Variants in ZFHX3 observed in about 807,000 individuals in gnomAD.
ZFHX3 encodes the protein zinc finger homeobox protein 3.
Under a neutral mutation model 279.1 loss-of-function variants are expected in ZFHX3, and 42 were observed. The observed-to-expected ratio is 0.15, with a 90% CI of 0.12 to 0.19. The LOEUF (loss-of-function observed/expected upper bound fraction) is 0.19, where lower values mean the gene tolerates loss of function less well. ZFHX3 is among the 10% of genes least tolerant of loss of function. The pLI, the probability that ZFHX3 is intolerant of heterozygous loss-of-function variation, is 1.00. For missense variants in ZFHX3, 4,981 were observed against 4,754.0 expected (o/e 1.05, Z -1.40); for synonymous variants, 2,293 against 1,957.8 (o/e 1.17, Z -4.52).
intron 4 of ZFHX3, among the ~76,000 whole-genome samples, chr16:72,867,942 C>T (rs995618099): frequency 2.0e-4 from 30 of 152,262 alleles, no homozygotes; most frequent in Admixed American, 3.9e-4. Context: ...AAGGAACCCA[C>T]GGGGCTCCGA....
intron 1 of ZFHX3, among the ~76,000 whole-genome samples, chr16:73,682,943 A>C (rs2053035550): frequency 9.0e-5 from 2 of 22,130 alleles, no homozygotes; most frequent in Admixed American, 1.4e-3. Context: ...AGAAAGAAAG[A>C]AAGAAAGAAA....
chr16:73,206,690 TC>T (rs1416049008), intron 5 of ZFHX3, among the ~76,000 whole-genome samples: 1 of 152,110 alleles, frequency 6.6e-6, no homozygotes, highest in Admixed American at 6.5e-5. Context: ...ATGGCCACCA[TC>T]TCGATATACA....
chr16:73,208,939 C>T (rs2011906082), intron 5 of ZFHX3, among the ~76,000 whole-genome samples: 1 of 152,140 alleles, frequency 6.6e-6, no homozygotes, highest in Admixed American at 6.5e-5. Flanking sequence ...ATGTATCATC[C>T]TTTTATTGGG....
intron 2 of ZFHX3, among the ~76,000 whole-genome samples, chr16:73,640,754 G>A (rs887410734): frequency 6.6e-6 from 1 of 151,982 alleles, no homozygotes; most frequent in African/African-American, 2.4e-5. Context: ...GAGAATAAAC[G>A]AAAACCGAGG....
intron 1 of ZFHX3, among the ~76,000 whole-genome samples, chr16:73,013,327 G>A (rs746966458): frequency 1.4e-4 from 22 of 151,788 alleles, no homozygotes; most frequent in Non-Finnish European, 2.9e-4. Context: ...TTGCTCTGTC[G>A]CCCAGGTTGG....
At chr16:73,267,656 C>G (rs900250837) in intron 4 of ZFHX3, among the ~76,000 whole-genome samples, 6 of 152,198 alleles carry the variant, frequency 3.9e-5, no homozygotes, top group African/African-American at 1.4e-4. Context: ...CCTCTGCCTG[C>G]CAAAGCCCTC....
At chr16:72,851,052 T>A (rs1048012223) in intron 4 of ZFHX3, among the ~76,000 whole-genome samples, 5 of 152,056 alleles carry the variant, frequency 3.3e-5, no homozygotes, top group African/African-American at 1.2e-4. Context: ...GTTTCTAGGA[T>A]AAACAGCAGA....
intron 4 of ZFHX3, among the ~76,000 whole-genome samples, chr16:73,296,329 G>C (rs1199093504): frequency 2.0e-5 from 3 of 152,126 alleles, no homozygotes; most frequent in Non-Finnish European, 2.9e-5. Flanking sequence ...GAAAATGGCA[G>C]AAATAAATTC....
At chr16:73,093,380 A>G (rs1836284270) in exon 8 of ZFHX3, 2 of 427,154 alleles carry the variant, frequency 4.7e-6, no homozygotes, top group South Asian at 3.3e-5. Flanking sequence ...ACGACCCTGA[A>G]AAAGTCTGGC....
intron 1 of ZFHX3, among the ~76,000 whole-genome samples, chr16:72,986,343 G>T (rs542304395): frequency 6.6e-6 from 1 of 152,132 alleles, no homozygotes; most frequent in Admixed American, 6.5e-5. Flanking sequence ...AGGGCTCCTT[G>T]GGCTGACATC....
chr16:73,649,931 G>A (rs1215892762), intron 2 of ZFHX3, among the ~76,000 whole-genome samples: 5 of 152,224 alleles, frequency 3.3e-5, no homozygotes, highest in African/African-American at 4.8e-5. Flanking sequence ...GGTTCAGATA[G>A]ATCTGGATGT....
At chr16:73,277,610 G>A (rs2014333699) in intron 4 of ZFHX3, among the ~76,000 whole-genome samples, 1 of 152,216 alleles carries the variant, frequency 6.6e-6, no homozygotes, top group Non-Finnish European at 1.5e-5. Flanking sequence ...GGTCACCAAT[G>A]TACCTAATAA....
At chr16:73,097,459 A>G (rs909353242) in intron 7 of ZFHX3, among the ~76,000 whole-genome samples, 1 of 152,136 alleles carries the variant, frequency 6.6e-6, no homozygotes, top group Non-Finnish European at 1.5e-5. Flanking sequence ...TTTCCCATGA[A>G]TAGCTTTCAT....
intron 4 of ZFHX3, among the ~76,000 whole-genome samples, chr16:72,876,408 G>A (rs78484139): frequency 0.021 from 3,126 of 152,212 alleles, 67 homozygotes; most frequent in East Asian, 0.076. Context: ...CAGGAAGCTT[G>A]CAAGATGCTG....
intron 1 of ZFHX3, among the ~76,000 whole-genome samples, chr16:73,042,077 T>C (rs1395897165): frequency 6.6e-6 from 1 of 152,166 alleles, no homozygotes; most frequent in Admixed American, 6.5e-5. Context: ...TCAGTTCATG[T>C]CTACACATAT....
At chr16:73,145,837 A>G (rs1326298435) in intron 5 of ZFHX3, among the ~76,000 whole-genome samples, 1 of 152,246 alleles carries the variant, frequency 6.6e-6, no homozygotes, top group Non-Finnish European at 1.5e-5. Flanking sequence ...AAAAATAGAT[A>G]TAAGAGGTCC....
chr16:73,182,469 A>G (rs1967818594), intron 5 of ZFHX3, among the ~76,000 whole-genome samples: 1 of 152,184 alleles, frequency 6.6e-6, no homozygotes, highest in African/African-American at 2.4e-5. Flanking sequence ...AACAAAACAA[A>G]AAAAACAGTA....
chr16:73,345,125 T>C (rs971289895), intron 3 of ZFHX3, among the ~76,000 whole-genome samples: 9 of 152,222 alleles, frequency 5.9e-5, no homozygotes, highest in African/African-American at 2.2e-4. Flanking sequence ...TTTTTTTTCA[T>C]AGCCCTGGAT....
In ZFHX3 at chr16:73,410,372, C is replaced by T. The variant is rs191730301; in HGVS notation, c.-1291+45631G>A. Among the ~76,000 whole-genome samples the T allele has an allele frequency of 2.0e-5, 3 of 152,108 alleles. No individual in the cohort carries two copies. The South Asian group carries it at 6.2e-4, about 32-fold the overall frequency. On this transcript the variant is annotated intron_variant, in intron 3 of 17. Coordinates refer to the ZFHX3 transcript ENST00000641206. Reference sequence around the variant, plus strand: ...CAGAGGTTGCAGTGAGCCAAGATCGCACCATTGCACTCCAGCCTGGGCAAC... The same window carrying T: ...CAGAGGTTGCAGTGAGCCAAGATCGTACCATTGCACTCCAGCCTGGGCAAC...
Sources: allele counts gnomAD v4.1 joint callset (sites outside exome capture counted in the v4.1 genomes callset), GRCh38; gene constraint gnomAD v4.1.1; transcripts MANE v1.5; gene names NCBI Gene and HGNC (gene_info 2026-07-23, HGNC 2026-07-21).